The following EYS variants were observed in gnomAD, a reference collection of about 807,000 sequenced individuals.
The protein encoded by EYS is protein eyes shut homolog.
Under a neutral mutation model 282.1 loss-of-function variants are expected in EYS, and 250 were observed. The ratio of observed to expected loss-of-function variants is 0.89; its 90% CI spans 0.80 to 0.98. The LOEUF (loss-of-function observed/expected upper bound fraction) is 0.98. EYS is among the 50% of genes least tolerant of loss of function. The pLI is 0.00. For synonymous variants in EYS, 1,355 were observed against 1,282.9 expected (o/e 1.06, Z -1.20); for missense variants, 4,016 against 3,709.0 (o/e 1.08, Z -2.15).
At chr6:64,912,416 A>T in intron 16 of EYS, 68 bp downstream of exon 16, 2 of 1,426,724 alleles carry the variant, frequency 1.4e-6, no homozygotes, top group Admixed American at 2.0e-5. Context: ...ATCATCCCAT[A>T]GGCACAATAA....
intron 13 of EYS, among the ~76,000 whole-genome samples, chr6:65,000,761 GA>G (rs1561913098): frequency 6.6e-6 from 1 of 152,190 alleles, no homozygotes; most frequent in East Asian, 1.9e-4. Flanking sequence ...CTGGAAGACA[GA>G]GCAAGACTCC....
chr6:64,627,118 C>G (rs1162391751), intron 22 of EYS, among the ~76,000 whole-genome samples: 1 of 152,160 alleles, frequency 6.6e-6, no homozygotes, highest in Non-Finnish European at 1.5e-5. Flanking sequence ...ATGTCCATAG[C>G]TATAGATACA....
intron 22 of EYS, among the ~76,000 whole-genome samples, chr6:64,632,736 G>A (rs992626838): frequency 2.6e-5 from 4 of 152,056 alleles, no homozygotes; most frequent in African/African-American, 9.7e-5. Context: ...GGAGCATCAG[G>A]TTGATAAGTA....
chr6:65,327,504 G>A (rs1478557763), intron 11 of EYS, among the ~76,000 whole-genome samples: 1 of 151,492 alleles, frequency 6.6e-6, no homozygotes, highest in African/African-American at 2.4e-5. Flanking sequence ...TTTTAAAGGT[G>A]TATAATCTAC....
chr6:64,590,191 A>G, intron 26 of EYS, 32 bp downstream of exon 26: 1 of 1,480,782 alleles, frequency 6.8e-7, no homozygotes, highest in Non-Finnish European at 9.0e-7. Context: ...CTCATTTCTA[A>G]AAGTTTACTG....
rs1279235949 is a variant in EYS, at chr6:64,529,987, G to T, written c.5644+60236C>A. Reference sequence around the variant, plus strand: ...CTGGTCACTTGAAATTTGTGCATGGGTATTTCTCCTATTGATGAGGAGAAG... The same window carrying T: ...CTGGTCACTTGAAATTTGTGCATGGTTATTTCTCCTATTGATGAGGAGAAG... On this transcript the variant is annotated intron_variant, in intron 26 of 42. Coordinates refer to ENST00000503581, the MANE Select transcript of EYS (RefSeq NM_001142800.2). 3.3e-5 allele frequency among the ~76,000 whole-genome samples: 5 copies of T among 152,128 alleles called. No individual in the cohort carries two copies. In the South Asian group the frequency reaches 1.0e-3, roughly 32 times the overall value.
At chr6:64,981,357 G>A (rs1296764645) in intron 14 of EYS, among the ~76,000 whole-genome samples, 1 of 151,184 alleles carries the variant, frequency 6.6e-6, no homozygotes, top group Non-Finnish European at 1.5e-5. Context: ...AAAAATCAAA[G>A]TTTGTATGAT....
At chr6:64,040,250 G>C (rs773481951) in intron 33 of EYS, among the ~76,000 whole-genome samples, 2 of 152,154 alleles carry the variant, frequency 1.3e-5, no homozygotes, top group African/African-American at 4.8e-5. Context: ...TGTCTTTTGT[G>C]CTTGTGGTAA....
chr6:63,877,036 G>T (rs536841913), intron 35 of EYS, among the ~76,000 whole-genome samples: 1 of 152,066 alleles, frequency 6.6e-6, no homozygotes, highest in South Asian at 2.1e-4. Context: ...TATTTTGCTC[G>T]TTAGTTGATG....
At position 64,446,985 on chromosome 6, in the gene EYS, GT is replaced by G. The variant is rs199792008; in HGVS notation, c.5645-7634del. On this transcript the variant is annotated intron_variant, in intron 26 of 42. Coordinates refer to ENST00000503581, the MANE Select transcript of EYS (RefSeq NM_001142800.2). Reference sequence around the variant, plus strand: ...GGAAATGTATAATGTATGTGTGTGTGTGGGGGGGGGGTGCTCATGTACATTT... The same window carrying G: ...GGAAATGTATAATGTATGTGTGTGTGGGGGGGGGGGTGCTCATGTACATTT... 8.5e-4 allele frequency among the ~76,000 whole-genome samples: 108 copies of G among 126,592 alleles called. 1 individual carries two copies. The highest frequency in any genetic ancestry group is 1.3e-3 in the African/African-American group (49 of 37,210). The allele number at this position is 126,592 out of a possible 152,430, so 83.0% of individuals were successfully genotyped here.
chr6:64,439,368 G>T lies in EYS; in HGVS notation c.5645-16C>A. ...CAACTGAAATCTGTGGAGTCAGAAA[G>T]AAAATACAATTTAGGTTGAAATAAA... On this transcript the variant is annotated splice_polypyrimidine_tract_variant and intron_variant, in intron 26 of 42. Coordinates refer to ENST00000503581, the MANE Select transcript of EYS (RefSeq NM_001142800.2). 2 of 1,455,168 alleles carry T rather than the reference G, an allele frequency of 1.4e-6. No individual in the cohort carries two copies. The highest frequency in any genetic ancestry group is 2.9e-5 in the South Asian group (2 of 69,864). 90.1% of individuals were successfully genotyped at this position (1,455,168 alleles called of 1,614,324 possible).
chr6:64,090,326 C>A (rs1200792749), intron 31 of EYS, among the ~76,000 whole-genome samples: 1 of 152,052 alleles, frequency 6.6e-6, no homozygotes, highest in Non-Finnish European at 1.5e-5. Flanking sequence ...ATAGATAGAG[C>A]CTGACTTAAC....
At chr6:64,290,420 T>A (rs995728454) in intron 30 of EYS, among the ~76,000 whole-genome samples, 12 of 152,136 alleles carry the variant, frequency 7.9e-5, no homozygotes, top group African/African-American at 2.9e-4. Context: ...AGTAAGTGTG[T>A]TCAAGGCTAA....
chr6:64,698,501 A>G (rs1770664057), intron 22 of EYS, among the ~76,000 whole-genome samples: 1 of 152,084 alleles, frequency 6.6e-6, no homozygotes, highest in African/African-American at 2.4e-5. Flanking sequence ...AATTAAATTT[A>G]AGGGCTTCTA....
At chr6:65,331,689 T>C (rs1769803614) in intron 11 of EYS, 1 of 979,530 alleles carries the variant, frequency 1.0e-6, no homozygotes, top group African/African-American at 1.8e-5. Flanking sequence ...GATAATTTTC[T>C]TAGTAAATAA....
At chr6:65,516,547 T>C (rs566871559) in intron 2 of EYS, among the ~76,000 whole-genome samples, 1 of 152,106 alleles carries the variant, frequency 6.6e-6, no homozygotes, top group African/African-American at 2.4e-5. Flanking sequence ...AATAGACAAA[T>C]AGATATTTCA....
intron 13 of EYS, among the ~76,000 whole-genome samples, chr6:65,049,290 A>G (rs2150153585): frequency 6.6e-6 from 1 of 151,928 alleles, no homozygotes; most frequent in South Asian, 2.1e-4. Flanking sequence ...GAGTAATTTT[A>G]GCTAAACTGA....
chr6:64,958,562 C>G (rs1377234017), intron 14 of EYS, among the ~76,000 whole-genome samples: 1 of 151,170 alleles, frequency 6.6e-6, no homozygotes, highest in Admixed American at 6.6e-5. Context: ...GGTGAAACCC[C>G]GTCTCTACTA....
intron 22 of EYS, among the ~76,000 whole-genome samples, chr6:64,762,654 C>T (rs2149979665): frequency 6.6e-6 from 1 of 152,078 alleles, no homozygotes; most frequent in East Asian, 1.9e-4. Flanking sequence ...ATTTTTACAT[C>T]ATGTTGGAGA....
Sources: allele counts gnomAD v4.1 joint callset (sites outside exome capture counted in the v4.1 genomes callset), GRCh38; gene constraint gnomAD v4.1.1; transcripts MANE v1.5; gene names NCBI Gene and HGNC (gene_info 2026-07-23, HGNC 2026-07-21).